Variants in KAZN observed in about 807,000 individuals in gnomAD.
KAZN encodes the protein kazrin.
A neutral mutation model predicts 87.4 loss-of-function variants in KAZN; 40 were observed. The observed-to-expected ratio is 0.46, with a 90% CI of 0.36 to 0.60. The LOEUF is 0.60. Among genes scored for constraint, KAZN ranks in the 20% least tolerant of loss-of-function variants. The probability of loss-of-function intolerance (pLI) is 0.00; values close to 1 mark genes in which losing one functional copy is unlikely to be tolerated. For missense variants in KAZN, 898 were observed against 1,073.9 expected, an observed-to-expected ratio of 0.84 and a Z score of 2.29; for synonymous variants, 466 against 458.3, an observed-to-expected ratio of 1.02 and a Z score of -0.22.
intron 1 of KAZN, among the ~76,000 whole-genome samples, chr1:14,909,038 T>C (rs953787909): frequency 6.6e-6 from 1 of 152,154 alleles, no homozygotes; most frequent in African/African-American, 2.4e-5. Context: ...GATACCGTCA[T>C]CATCTCACAT....
intron 2 of KAZN, among the ~76,000 whole-genome samples, chr1:14,985,904 G>C (rs1262978213): frequency 6.6e-6 from 1 of 150,692 alleles, no homozygotes; most frequent in Admixed American, 6.7e-5. Context: ...TCACGAGGCT[G>C]AGGCCGGAAA....
intron 1 of KAZN, among the ~76,000 whole-genome samples, chr1:14,106,683 T>C (rs1467564940): frequency 2.6e-5 from 4 of 152,164 alleles, no homozygotes; most frequent in Non-Finnish European, 5.9e-5. Flanking sequence ...CCTGTTATTC[T>C]TGGAGAGGTA....
intron 2 of KAZN, among the ~76,000 whole-genome samples, chr1:14,478,274 A>AAGG (rs1553178148): frequency 0.049 from 5,462 of 111,464 alleles, 268 homozygotes; most frequent in African/African-American, 0.11. Context: ...AGGAAGGAAG[A>AAGG]AAGGAAGGAA....
In KAZN at chr1:14,547,588, C is replaced by T. The variant is rs564751075; in HGVS notation, c.250-51395C>T. Among the ~76,000 whole-genome samples the T allele has an allele frequency of 7.9e-5, 12 of 152,120 alleles. No homozygotes were observed. In the East Asian group the frequency reaches 1.9e-3, roughly 25 times the overall value. On this transcript the variant is annotated intron_variant, in intron 2 of 16. Transcript: ENST00000636203. ...GTTTTTAAAATTTATTTTAAAATAACGCTGTTGTTGTTGTTACAGAGTCTC... is the reference window on the plus strand; with the variant it reads ...GTTTTTAAAATTTATTTTAAAATAATGCTGTTGTTGTTGTTACAGAGTCTC...
intron 2 of KAZN, among the ~76,000 whole-genome samples, chr1:14,401,183 C>T (rs1663378510): frequency 6.6e-6 from 1 of 151,976 alleles, no homozygotes; most frequent in East Asian, 1.9e-4. Flanking sequence ...TCCCAGACAC[C>T]TGAGAATTTG....
At position 14,937,251 on chromosome 1, in the gene KAZN, A is replaced by G. The variant is rs112187893; in HGVS notation, c.227-23433A>G. 7.0e-3 allele frequency among the ~76,000 whole-genome samples: 1,072 copies of G among 152,362 alleles called. 12 individuals are homozygous for G. Among genetic ancestry groups the G allele is most frequent in the African/African-American group, 0.024 (997 of 41,588 alleles). Reference sequence around the variant, plus strand: ...TTGCTAGGTGTTATAGGACCAGAGGAGAGCCTTCATCATAGACCCTGCTAG... The same window carrying G: ...TTGCTAGGTGTTATAGGACCAGAGGGGAGCCTTCATCATAGACCCTGCTAG... On this transcript the variant is annotated intron_variant, in intron 1 of 14. Coordinates refer to ENST00000376030, the MANE Select transcript of KAZN (RefSeq NM_201628.3).
At chr1:14,149,770 A>G (rs1186693402) in intron 1 of KAZN, among the ~76,000 whole-genome samples, 2 of 152,280 alleles carry the variant, frequency 1.3e-5, no homozygotes, top group African/African-American at 4.8e-5. Context: ...TTAGTCAAAT[A>G]CCATGATTTT....
intron 1 of KAZN, among the ~76,000 whole-genome samples, chr1:14,661,922 A>G (rs1445428748): frequency 6.6e-6 from 1 of 152,214 alleles, no homozygotes; most frequent in Non-Finnish European, 1.5e-5. Context: ...TTTCAAAAAT[A>G]AAAGCATGGT....
chr1:14,458,071 C>A (rs1012400174), intron 2 of KAZN, among the ~76,000 whole-genome samples: 1 of 152,170 alleles, frequency 6.6e-6, no homozygotes, highest in African/African-American at 2.4e-5. Context: ...ATCCCCCTGC[C>A]TTGGCCTCCC....
In KAZN at chr1:14,770,161, T is replaced by C. The variant is rs115275328; in HGVS notation, c.226+170938T>C. 3.4e-3 allele frequency among the ~76,000 whole-genome samples: 519 copies of C among 150,930 alleles called. 2 individuals are homozygous for C. Among genetic ancestry groups the C allele is most frequent in the African/African-American group, 0.012 (478 of 40,352 alleles). On this transcript the variant is annotated intron_variant, in intron 1 of 14. Coordinates refer to ENST00000376030, the MANE Select transcript of KAZN (RefSeq NM_201628.3). ...CTCTGCAGTTGGCCATGGTGAAAGT[T>C]TGGACTTCAGCCTAAGGAAAAGAGA...
chr1:15,095,439 A>G (rs1377676160), intron 10 of KAZN, among the ~76,000 whole-genome samples: 1 of 152,132 alleles, frequency 6.6e-6, no homozygotes, highest in Non-Finnish European at 1.5e-5. Context: ...CATACCTGGG[A>G]TGGCTGCAGG....
chr1:14,036,719 C>A (rs1641574240), intron 1 of KAZN, among the ~76,000 whole-genome samples: 1 of 151,994 alleles, frequency 6.6e-6, no homozygotes, highest in Non-Finnish European at 1.5e-5. Context: ...TCACCTAGAA[C>A]CCGATCATCT....
intron 2 of KAZN, among the ~76,000 whole-genome samples, chr1:14,524,228 G>A (rs948106804): frequency 2.6e-5 from 4 of 152,150 alleles, no homozygotes; most frequent in African/African-American, 9.6e-5. Flanking sequence ...CACCATGCTG[G>A]CCAGGCTGGT....
intron 2 of KAZN, among the ~76,000 whole-genome samples, chr1:14,366,325 G>A (rs779166373): frequency 6.6e-6 from 1 of 152,180 alleles, no homozygotes. Context: ...GGCTATTCAG[G>A]GTGACCAGTT....
In KAZN at chr1:14,068,265, A is replaced by G. The variant is rs149827900; in HGVS notation, c.92-112170A>G. On this transcript the variant is annotated intron_variant, in intron 1 of 16. Coordinates refer to the KAZN transcript ENST00000636203. ...TGTCCCTATCTTGTCCAGTCAATTAATTTGTGTGACGATGTTTTGGAAGAA... is the reference window on the plus strand; with the variant it reads ...TGTCCCTATCTTGTCCAGTCAATTAGTTTGTGTGACGATGTTTTGGAAGAA... Among the ~76,000 whole-genome samples the G allele has an allele frequency of 2.2e-3, 336 of 152,314 alleles. 1 individual carries two copies. Among genetic ancestry groups the G allele is most frequent in the African/African-American group, 7.8e-3 (326 of 41,570 alleles).
intron 2 of KAZN, among the ~76,000 whole-genome samples, chr1:14,228,946 T>C (rs1226327638): frequency 6.6e-6 from 1 of 152,226 alleles, no homozygotes; most frequent in Non-Finnish European, 1.5e-5. Flanking sequence ...ATACTCAGTA[T>C]GTTATCCACA....
chr1:14,415,174 T>C lies in KAZN; in HGVS notation c.250-183809T>C, dbSNP rs78775015. Reference sequence around the variant, plus strand: ...GTAGCAAGGTCGATGATGGATCTAGTGTCAGCTACATTATTCTCATTATTT... The same window carrying C: ...GTAGCAAGGTCGATGATGGATCTAGCGTCAGCTACATTATTCTCATTATTT... On this transcript the variant is annotated intron_variant, in intron 2 of 16. Transcript: ENST00000636203. Among the ~76,000 whole-genome samples, 691 of 152,300 alleles carry C rather than the reference T, an allele frequency of 4.5e-3. 21 individuals are homozygous for C. Among genetic ancestry groups the C allele is most frequent in the East Asian group, 1.2e-3 (6 of 5,180 alleles).
intron 4 of KAZN, among the ~76,000 whole-genome samples, chr1:15,053,757 C>T (rs1319030849): frequency 1.3e-5 from 2 of 152,254 alleles, no homozygotes; most frequent in African/African-American, 4.8e-5. Flanking sequence ...CTACCTGCAA[C>T]CCAGCACTGT....
chr1:14,887,878 C>T (rs1022700318), intron 1 of KAZN, among the ~76,000 whole-genome samples: 4 of 151,994 alleles, frequency 2.6e-5, no homozygotes, highest in African/African-American at 7.3e-5. Context: ...CTCTCTCTCT[C>T]GTTATGTTTC....
Sources: gnomAD v4.1 joint callset for allele counts (sites outside exome capture counted in the v4.1 genomes callset) on GRCh38, gnomAD v4.1.1 for gene constraint, MANE v1.5 for transcripts, NCBI Gene and HGNC (gene_info 2026-07-23, HGNC 2026-07-21) for gene names.